FER: variants seen among roughly 807,000 people sequenced by gnomAD.
FER encodes the protein FER tyrosine kinase.
In FER, 63 loss-of-function variants were observed where a neutral mutation model predicts 111.0. That is an observed-to-expected ratio of 0.57 (90% confidence interval 0.46 to 0.70). The LOEUF (loss-of-function observed/expected upper bound fraction) is 0.70. FER is among the 30% of genes least tolerant of loss of function. The pLI, the probability that FER is intolerant of heterozygous loss-of-function variation, is 0.00. For missense variants in FER, 914 were observed against 954.0 expected (o/e 0.96, Z 0.55); for synonymous variants, 327 against 313.9 (o/e 1.04, Z -0.44).
At chr5:108,791,271 A>T (rs192961833) in intron 2 of FER, among the ~76,000 whole-genome samples, 1 of 142,534 alleles carries the variant, frequency 7.0e-6, no homozygotes, top group Non-Finnish European at 1.6e-5. Flanking sequence ...CTAGCAAGGG[A>T]TGAAGATTCC....
chr5:109,059,515 A>C (rs1774108874), intron 16 of FER, among the ~76,000 whole-genome samples: 2 of 152,152 alleles, frequency 1.3e-5, no homozygotes, highest in South Asian at 4.1e-4. Context: ...CGACAGAGTG[A>C]GACTCCATCT....
intron 16 of FER, among the ~76,000 whole-genome samples, chr5:109,057,005 A>G (rs1372767861): frequency 6.6e-6 from 1 of 152,146 alleles, no homozygotes; most frequent in Non-Finnish European, 1.5e-5. Flanking sequence ...TATTTTATCA[A>G]TATATCAATT....
intron 13 of FER, among the ~76,000 whole-genome samples, chr5:108,978,992 A>G (rs890647344): frequency 6.6e-6 from 1 of 152,198 alleles, no homozygotes; most frequent in Non-Finnish European, 1.5e-5. Context: ...TTAATGATTC[A>G]GTGATTTCTT....
intron 1 of FER, chr5:108,748,387 C>T (rs757804188): frequency 6.6e-6 from 1 of 152,342 alleles, no homozygotes; most frequent in African/African-American, 2.4e-5. Flanking sequence ...TCCGCCCCCA[C>T]TCTCCGAATT....
At chr5:109,113,965 CTA>C (rs1378274469) in intron 17 of FER, among the ~76,000 whole-genome samples, 3 of 151,940 alleles carry the variant, frequency 2.0e-5, no homozygotes, top group African/African-American at 7.3e-5. Flanking sequence ...AAATAGAAAA[CTA>C]TATATAATCA....
At chr5:108,944,610 G>A (rs559426703) in intron 10 of FER, among the ~76,000 whole-genome samples, 28 of 152,148 alleles carry the variant, frequency 1.8e-4, no homozygotes, top group African/African-American at 6.3e-4. Flanking sequence ...ACAGTCTGAT[G>A]TGTTATTAGG....
chr5:109,079,176 T>G (rs1371569114), intron 16 of FER, among the ~76,000 whole-genome samples: 1 of 152,178 alleles, frequency 6.6e-6, no homozygotes, highest in Non-Finnish European at 1.5e-5. Context: ...CTATTTTATC[T>G]TATTAGTTGA....
At chr5:109,156,598 A>G (rs1303201331) in intron 17 of FER, among the ~76,000 whole-genome samples, 1 of 151,988 alleles carries the variant, frequency 6.6e-6, no homozygotes, top group Non-Finnish European at 1.5e-5. Context: ...GAAAGACCCT[A>G]TAGACTGAAA....
intron 17 of FER, among the ~76,000 whole-genome samples, chr5:109,101,659 A>G (rs535753460): frequency 6.6e-6 from 1 of 152,292 alleles, no homozygotes; most frequent in South Asian, 2.1e-4. Context: ...AACTAAAAAT[A>G]AGACATTATC....
chr5:108,824,198 T>G (rs1055914459), intron 3 of FER, among the ~76,000 whole-genome samples: 1 of 152,162 alleles, frequency 6.6e-6, no homozygotes, highest in Non-Finnish European at 1.5e-5. Flanking sequence ...AAATATAGTT[T>G]GGAAAAAGGA....
rs73780774 is a variant in FER, at chr5:108,934,394, G to A, written c.1237-11736G>A. ...TAAGACCATTTCATTATATGACAGCGTTGTAAAAAATGTGATAGAATAAAA... is the reference window on the plus strand; with the variant it reads ...TAAGACCATTTCATTATATGACAGCATTGTAAAAAATGTGATAGAATAAAA... On this transcript the variant is annotated intron_variant, in intron 10 of 19. Transcript: ENST00000281092. Among the ~76,000 whole-genome samples, 579 of 152,176 alleles carry A rather than the reference G, an allele frequency of 3.8e-3. 4 individuals are homozygous for A. The highest frequency in any genetic ancestry group is 0.013 in the African/African-American group (543 of 41,508).
intron 8 of FER, among the ~76,000 whole-genome samples, chr5:108,882,943 T>G (rs543699308): frequency 6.4e-4 from 97 of 152,008 alleles, no homozygotes; most frequent in Middle Eastern, 6.8e-3. Context: ...GAATTTAAAA[T>G]GACAAATAAC....
At chr5:109,116,146 C>A (rs1021735472) in intron 17 of FER, among the ~76,000 whole-genome samples, 2 of 151,920 alleles carry the variant, frequency 1.3e-5, no homozygotes, top group African/African-American at 4.8e-5. Context: ...TCTCTATGCT[C>A]CCTTGGCCAC....
chr5:109,025,446 C>G (rs1011760674), intron 13 of FER, among the ~76,000 whole-genome samples: 4 of 152,136 alleles, frequency 2.6e-5, no homozygotes, highest in Non-Finnish European at 5.9e-5. Context: ...TATAAGAATG[C>G]TTGTGATTTT....
chr5:108,938,154 A>G (rs1363279638), intron 10 of FER, among the ~76,000 whole-genome samples: 1 of 151,634 alleles, frequency 6.6e-6, no homozygotes, highest in East Asian at 1.9e-4. Context: ...GGTTCTTGTA[A>G]GGTGTAAGGT....
intron 3 of FER, among the ~76,000 whole-genome samples, chr5:108,802,150 T>A (rs1465021140): frequency 1.3e-5 from 2 of 152,164 alleles, no homozygotes; most frequent in Non-Finnish European, 2.9e-5. Flanking sequence ...ACTTATTTTT[T>A]TTTTCAAAAT....
chr5:108,749,085 G>C (rs1750115566), intron 1 of FER: 1 of 152,364 alleles, frequency 6.6e-6, no homozygotes, highest in Admixed American at 6.5e-5. Flanking sequence ...GCCTAGAGCG[G>C]GGGCAACAAT....
chr5:108,915,669 G>GT (rs1752177648), intron 10 of FER, among the ~76,000 whole-genome samples: 1 of 150,900 alleles, frequency 6.6e-6, no homozygotes, highest in South Asian at 2.1e-4. Flanking sequence ...CTCTCCCCCA[G>GT]TTTTTTGTTG....
intron 11 of FER, among the ~76,000 whole-genome samples, chr5:108,946,510 A>G (rs1185834079): frequency 6.6e-6 from 1 of 151,978 alleles, no homozygotes; most frequent in African/African-American, 2.4e-5. Context: ...TATGAGAAAC[A>G]TTTTATGTAC....
Sources: gnomAD v4.1 joint callset for allele counts (sites outside exome capture counted in the v4.1 genomes callset) on GRCh38, gnomAD v4.1.1 for gene constraint, MANE v1.5 for transcripts, NCBI Gene and HGNC (gene_info 2026-07-23, HGNC 2026-07-21) for gene names.